The following CCDC85A variants were observed in gnomAD, a reference collection of about 807,000 sequenced individuals.
The protein encoded by CCDC85A is coiled-coil domain-containing protein 85A.
A neutral mutation model predicts 50.2 loss-of-function variants in CCDC85A; 38 were observed. The observed-to-expected ratio is 0.76, with a 90% CI of 0.58 to 0.99. The LOEUF (loss-of-function observed/expected upper bound fraction) is 0.99, where lower values mean the gene tolerates loss of function less well. Among genes scored for constraint, CCDC85A ranks in the 50% least tolerant of loss-of-function variants. The pLI, the probability that CCDC85A is intolerant of heterozygous loss-of-function variation, is 0.00. For synonymous variants in CCDC85A, 366 were observed against 301.4 expected (o/e 1.21, Z -2.22); for missense variants, 820 against 742.0 (o/e 1.11, Z -1.22).
At chr2:56,219,753 C>G (rs1241974044) in intron 2 of CCDC85A, among the ~76,000 whole-genome samples, 4 of 151,990 alleles carry the variant, frequency 2.6e-5, no homozygotes, top group South Asian at 2.1e-4. Flanking sequence ...CCCCTATTAC[C>G]AAACATTTTC....
chr2:56,369,015 AT>A (rs1336117519), intron 3 of CCDC85A, among the ~76,000 whole-genome samples: 2 of 151,910 alleles, frequency 1.3e-5, no homozygotes, highest in Admixed American at 1.3e-4. Flanking sequence ...TTTTTAGGTA[AT>A]TTTCCCTACT....
At chr2:56,380,476 C>A (rs1676529750) in intron 5 of CCDC85A, among the ~76,000 whole-genome samples, 2 of 151,522 alleles carry the variant, frequency 1.3e-5, no homozygotes, top group Non-Finnish European at 2.9e-5. Flanking sequence ...GGGAAAATTG[C>A]TTTAGCCCAG....
intron 2 of CCDC85A, among the ~76,000 whole-genome samples, chr2:56,317,870 A>T (rs1672991323): frequency 6.6e-6 from 1 of 152,012 alleles, no homozygotes. Context: ...AAGTTGGGGG[A>T]TTACCTATGA....
At chr2:56,274,980 G>T (rs558993498) in intron 2 of CCDC85A, among the ~76,000 whole-genome samples, 4 of 152,102 alleles carry the variant, frequency 2.6e-5, no homozygotes, top group Non-Finnish European at 5.9e-5. Context: ...TCTGGTGTCT[G>T]TTCTTATAAG....
chr2:56,328,574 T>G (rs1673594243), intron 2 of CCDC85A, among the ~76,000 whole-genome samples: 1 of 152,210 alleles, frequency 6.6e-6, no homozygotes, highest in Admixed American at 6.5e-5. Flanking sequence ...ATTCTGCATC[T>G]TCCCTTCCTC....
intron 3 of CCDC85A, among the ~76,000 whole-genome samples, chr2:56,364,389 A>G (rs573985552): frequency 1.3e-5 from 2 of 152,298 alleles, no homozygotes; most frequent in Non-Finnish European, 2.9e-5. Flanking sequence ...AGGAACAGGT[A>G]TTTCAAAATT....
intron 2 of CCDC85A, among the ~76,000 whole-genome samples, chr2:56,307,422 A>T (rs996724866): frequency 6.6e-6 from 1 of 152,186 alleles, no homozygotes; most frequent in Non-Finnish European, 1.5e-5. Context: ...CAGGAGTAAC[A>T]CTAGTGCCTA....
chr2:56,385,857 C>T lies in CCDC85A; in HGVS notation c.*1502C>T, dbSNP rs936802282. ...TATCATAATTGGGTTACAATTTAAGCTCCCCTTTTAAATGTTATATTTTAA... is the reference window on the plus strand; with the variant it reads ...TATCATAATTGGGTTACAATTTAAGTTCCCCTTTTAAATGTTATATTTTAA... On this transcript the variant is annotated 3_prime_UTR_variant, in exon 6 of 6. Coordinates refer to ENST00000407595, the MANE Select transcript of CCDC85A (RefSeq NM_001080433.2). The T allele has an allele frequency of 6.6e-6, 1 of 151,662 alleles. No homozygotes were observed. 9.4% of individuals were successfully genotyped at this position (151,662 alleles called of 1,614,324 possible). A position where few individuals can be genotyped will look rare whatever the true frequency, so the allele number is the denominator to read the frequency against.
At chr2:56,263,730 G>T (rs367577506) in intron 2 of CCDC85A, among the ~76,000 whole-genome samples, 5 of 152,218 alleles carry the variant, frequency 3.3e-5, no homozygotes, top group African/African-American at 1.2e-4. Context: ...ACTGCAAGTT[G>T]ATTCATTCTC....
In CCDC85A at chr2:56,185,022, G is replaced by A. The variant is rs1253807232; in HGVS notation, c.276+122G>A. 8 of 1,234,686 alleles carry A rather than the reference G, an allele frequency of 6.5e-6. No homozygotes were observed. In the Admixed American group the frequency reaches 9.3e-5, roughly 14 times the overall value. The allele number at this position is 1,234,686 out of a possible 1,614,324, so 76.5% of individuals were successfully genotyped here. A position where few individuals can be genotyped will look rare whatever the true frequency, so the allele number is the denominator to read the frequency against. ...AGGTGACCCTCCCCTTCTCCCGGTC[G>A]GCACCCCCTACCCCCAGTCCCCAGC... On this transcript the variant is annotated intron_variant, in intron 1 of 5. Coordinates refer to ENST00000407595, the MANE Select transcript of CCDC85A (RefSeq NM_001080433.2).
At chr2:56,258,234 C>T (rs948331964) in intron 2 of CCDC85A, among the ~76,000 whole-genome samples, 1 of 152,030 alleles carries the variant, frequency 6.6e-6, no homozygotes, top group African/African-American at 2.4e-5. Context: ...GAAGCTGGTG[C>T]TGTGGTACAG....
chr2:56,317,084 C>A (rs1195851158), intron 2 of CCDC85A, among the ~76,000 whole-genome samples: 1 of 151,884 alleles, frequency 6.6e-6, no homozygotes, highest in Non-Finnish European at 1.5e-5. Context: ...AAGAGATGTA[C>A]CTGTAAATGG....
intron 2 of CCDC85A, among the ~76,000 whole-genome samples, chr2:56,243,411 A>G (rs945994612): frequency 6.6e-6 from 1 of 151,924 alleles, no homozygotes; most frequent in East Asian, 1.9e-4. Flanking sequence ...CAATTCTGCT[A>G]TTAAGACACT....
rs1426336792 is a variant in CCDC85A, at chr2:56,243,398, G to A, written c.1240+49958G>A. On this transcript the variant is annotated intron_variant, in intron 2 of 5. Transcript: ENST00000407595. ...AGCTTGCTAGTTCTTTCCACTCCTT[G>A]ATCAATTCTGCTATTAAGACACTCT... 6.6e-5 allele frequency among the ~76,000 whole-genome samples: 10 copies of A among 151,618 alleles called. No homozygotes were observed. In the East Asian group the frequency reaches 1.9e-3, roughly 29 times the overall value.
chr2:56,261,852 A>T (rs1011510290), intron 2 of CCDC85A, among the ~76,000 whole-genome samples: 1 of 152,084 alleles, frequency 6.6e-6, no homozygotes, highest in Non-Finnish European at 1.5e-5. Flanking sequence ...CCCTTTCATG[A>T]TATCCTTCAC....
chr2:56,251,811 G>A (rs1333297428), intron 2 of CCDC85A, among the ~76,000 whole-genome samples: 2 of 151,930 alleles, frequency 1.3e-5, no homozygotes, highest in African/African-American at 4.8e-5. Flanking sequence ...ACTCCAGGAT[G>A]GGCACTGGAA....
intron 2 of CCDC85A, among the ~76,000 whole-genome samples, chr2:56,290,476 T>C (rs1438314612): frequency 1.3e-5 from 2 of 152,210 alleles, no homozygotes; most frequent in Admixed American, 6.5e-5. Flanking sequence ...AAATGAATTA[T>C]ATTTGTGTCC....
chr2:56,300,936 CT>C (rs1215178069), intron 2 of CCDC85A, among the ~76,000 whole-genome samples: 2 of 152,180 alleles, frequency 1.3e-5, no homozygotes, highest in Non-Finnish European at 2.9e-5. Context: ...CAAACACAAA[CT>C]CCGAAGTTTA....
chr2:56,359,558 G>C (rs1485730984), intron 3 of CCDC85A, among the ~76,000 whole-genome samples: 2 of 152,122 alleles, frequency 1.3e-5, no homozygotes, highest in African/African-American at 4.8e-5. Flanking sequence ...TACCACATAG[G>C]CAGCAGCTTG....
Sources: allele counts gnomAD v4.1 joint callset (sites outside exome capture counted in the v4.1 genomes callset), GRCh38; gene constraint gnomAD v4.1.1; transcripts MANE v1.5; gene names NCBI Gene and HGNC (gene_info 2026-07-23, HGNC 2026-07-21).